Variants in DGKI observed in about 807,000 individuals in gnomAD.
DGKI encodes the protein DAG kinase iota.
A neutral mutation model predicts 147.5 loss-of-function variants in DGKI; 55 were observed. The ratio of observed to expected loss-of-function variants is 0.37; its 90% CI spans 0.30 to 0.47. The LOEUF is 0.47. Among genes scored for constraint, DGKI ranks in the 20% least tolerant of loss-of-function variants. The probability of loss-of-function intolerance (pLI) is 1.00; values close to 1 mark genes in which losing one functional copy is unlikely to be tolerated. For synonymous variants in DGKI, 469 were observed against 477.1 expected (o/e 0.98, Z 0.22); for missense variants, 1,007 against 1,323.8 (o/e 0.76, Z 3.71).
chr7:137,522,447 G>A (rs1339156948), intron 20 of DGKI, among the ~76,000 whole-genome samples: 1 of 151,442 alleles, frequency 6.6e-6, no homozygotes, highest in African/African-American at 2.4e-5. Context: ...GGTTGAGACC[G>A]AAGTAGCTCT....
At chr7:137,410,529 A>G (rs1242211324) in intron 29 of DGKI, among the ~76,000 whole-genome samples, 2 of 152,250 alleles carry the variant, frequency 1.3e-5, no homozygotes, top group African/African-American at 4.8e-5. Flanking sequence ...AATGACAAAA[A>G]CCAAATTACT....
intron 14 of DGKI, 25 bp from the exon 15 acceptor site, chr7:137,581,953 G>A (rs1354232358): frequency 6.3e-7 from 1 of 1,596,270 alleles, no homozygotes; most frequent in Non-Finnish European, 8.6e-7. Context: ...AAAGACAGAG[G>A]CAAAATTTTG....
intron 1 of DGKI, among the ~76,000 whole-genome samples, chr7:137,818,591 G>A (rs1404259422): frequency 2.6e-5 from 4 of 152,092 alleles, no homozygotes; most frequent in African/African-American, 4.8e-5. Flanking sequence ...ATAGGCATGC[G>A]CCACCATGCC....
chr7:137,644,349 T>G (rs1394575799), intron 6 of DGKI, among the ~76,000 whole-genome samples: 3 of 152,234 alleles, frequency 2.0e-5, no homozygotes, highest in Admixed American at 6.5e-5. Flanking sequence ...CTGGTTACAA[T>G]GGAGGCCTAT....
At chr7:137,767,646 T>C (rs1796062733) in intron 1 of DGKI, among the ~76,000 whole-genome samples, 2 of 152,184 alleles carry the variant, frequency 1.3e-5, no homozygotes, top group South Asian at 4.1e-4. Flanking sequence ...AAATAGTATT[T>C]GTAAAATCTT....
At chr7:137,667,823 C>T (rs542511851) in intron 3 of DGKI, among the ~76,000 whole-genome samples, 1 of 152,174 alleles carries the variant, frequency 6.6e-6, no homozygotes, top group Non-Finnish European at 1.5e-5. Context: ...CAACACTGTA[C>T]CTCCAGTTGG....
chr7:137,520,621 C>G (rs994734507), intron 21 of DGKI, among the ~76,000 whole-genome samples: 10 of 151,936 alleles, frequency 6.6e-5, no homozygotes, highest in Admixed American at 1.3e-4. Flanking sequence ...ATATTGATGT[C>G]TAAGGAAAAC....
intron 1 of DGKI, among the ~76,000 whole-genome samples, chr7:137,726,648 G>A (rs533824720): frequency 6.6e-6 from 1 of 152,274 alleles, no homozygotes; most frequent in East Asian, 1.9e-4. Context: ...GAGTGATCAA[G>A]GATTCTCCTA....
chr7:137,542,904 T>C (rs834062), intron 20 of DGKI, among the ~76,000 whole-genome samples: 6,515 of 152,314 alleles, frequency 0.043, 343 homozygotes, highest in East Asian at 0.11. Context: ...TTAATGTTCT[T>C]GTCTCTGCTT....
chr7:137,465,831 G>A (rs1176747202), intron 26 of DGKI, 77 bp downstream of exon 26: 10 of 1,520,752 alleles, frequency 6.6e-6, no homozygotes, highest in Middle Eastern at 2.4e-4. Flanking sequence ...TCATTAGAAC[G>A]ATGTCAAGTT....
At chr7:137,716,002 T>G (rs995427697) in intron 1 of DGKI, among the ~76,000 whole-genome samples, 4 of 152,006 alleles carry the variant, frequency 2.6e-5, no homozygotes, top group African/African-American at 9.7e-5. Context: ...AGGGCCAGAA[T>G]GTAAGGAGTA....
At chr7:137,778,277 G>C (rs1796417933) in intron 1 of DGKI, among the ~76,000 whole-genome samples, 1 of 152,122 alleles carries the variant, frequency 6.6e-6, no homozygotes, top group Non-Finnish European at 1.5e-5. Flanking sequence ...AAGAAGGGGA[G>C]ACTTTTAAGG....
chr7:137,715,037 G>A (rs563223411), intron 1 of DGKI, among the ~76,000 whole-genome samples: 1 of 152,160 alleles, frequency 6.6e-6, no homozygotes, highest in South Asian at 2.1e-4. Context: ...GCCATAAAAA[G>A]GACTACACTG....
chr7:137,725,783 A>T (rs1365538626), intron 1 of DGKI, among the ~76,000 whole-genome samples: 2 of 152,186 alleles, frequency 1.3e-5, no homozygotes, highest in Admixed American at 1.3e-4. Flanking sequence ...CATGTAAATG[A>T]AACCGAAAGA....
At chr7:137,794,297 T>A (rs3778818) in intron 1 of DGKI, among the ~76,000 whole-genome samples, 1 of 152,064 alleles carries the variant, frequency 6.6e-6, no homozygotes, top group South Asian at 2.1e-4. Context: ...CCCTCTCTGA[T>A]ATTCTTGAAG....
At chr7:137,717,075 A>C (rs901746376) in intron 1 of DGKI, among the ~76,000 whole-genome samples, 1 of 152,218 alleles carries the variant, frequency 6.6e-6, no homozygotes, top group Admixed American at 6.5e-5. Context: ...GGATTACAGA[A>C]GACAGAGACT....
chr7:137,575,168 A>G (rs1818927782), intron 17 of DGKI, among the ~76,000 whole-genome samples: 1 of 152,240 alleles, frequency 6.6e-6, no homozygotes, highest in East Asian at 1.9e-4. Flanking sequence ...AAAGTCATAT[A>G]CCTAGCAAAG....
intron 12 of DGKI, among the ~76,000 whole-genome samples, chr7:137,592,662 G>A (rs544270080): frequency 2.6e-5 from 4 of 152,322 alleles, no homozygotes; most frequent in Middle Eastern, 3.4e-3. Flanking sequence ...GGACACTCAC[G>A]TTTGGAAATC....
intron 20 of DGKI, among the ~76,000 whole-genome samples, chr7:137,540,786 A>ACC (rs1563075752): frequency 2.8e-5 from 4 of 142,164 alleles, no homozygotes; most frequent in African/African-American, 1.1e-4. Context: ...AAAAAAAAAA[A>ACC]AACATTTACA....
Sources: gnomAD v4.1 joint callset for allele counts (sites outside exome capture counted in the v4.1 genomes callset) on GRCh38, gnomAD v4.1.1 for gene constraint, MANE v1.5 for transcripts, NCBI Gene and HGNC (gene_info 2026-07-23, HGNC 2026-07-21) for gene names.